ITGA1: variants seen among roughly 807,000 people sequenced by gnomAD.
ITGA1 encodes integrin subunit alpha 1, also known as integrin alpha-1.
A neutral mutation model predicts 145.9 loss-of-function variants in ITGA1; 85 were observed. That is an observed-to-expected ratio of 0.58 (90% CI 0.49 to 0.70). The LOEUF is 0.70. ITGA1 is among the 30% of genes least tolerant of loss of function. ITGA1 has a pLI of 0.00. For missense variants in ITGA1, 1,351 were observed against 1,418.7 expected (o/e 0.95, Z 0.77); for synonymous variants, 520 against 495.3 (o/e 1.05, Z -0.66).
chr5:52,910,186 C>A lies in ITGA1; in HGVS notation c.1624C>A (p.Leu542Met). The A allele has an allele frequency of 6.2e-7, 1 of 1,610,684 alleles. No individual in the cohort carries two copies. Among genetic ancestry groups the A allele is most frequent in the Non-Finnish European group, 8.5e-7 (1 of 1,177,148 alleles). Residue 542 changes from leucine (L) to methionine (M), a missense_variant, in exon 14 of 29, where the codon CTG (leucine) becomes ATG (methionine). By Grantham distance (15) the Leu-to-Met change is conservative. Coordinates refer to ENST00000282588, the MANE Select transcript of ITGA1 (RefSeq NM_181501.2). ...NQTRFEYQMS[L>M]EPIKQTCCSS... ...GACAAGGTTTGAATATCAAATGAGCCTGGAACCTATTAAGCAGACGTGCTG... is the reference window on the plus strand; with the variant it reads ...GACAAGGTTTGAATATCAAATGAGCATGGAACCTATTAAGCAGACGTGCTG...
chr5:52,928,284 G>A (rs1750843406), intron 20 of ITGA1, among the ~76,000 whole-genome samples: 1 of 152,044 alleles, frequency 6.6e-6, no homozygotes, highest in Admixed American at 6.6e-5. Context: ...AAATGGAGCT[G>A]GGAAATTCTG....
In ITGA1 at chr5:52,920,343, C is replaced by T. The variant is rs1302135076; in HGVS notation, c.2167C>T (p.Arg723Cys). 45 of 1,591,036 alleles carry T rather than the reference C, an allele frequency of 2.8e-5. No individual in the cohort carries two copies. The highest frequency in any genetic ancestry group is 3.6e-5 in the Non-Finnish European group (42 of 1,171,036). The change falls in exon 17 of 29, where the codon CGT becomes TGT. Residue 723 changes from arginine to cysteine, a missense_variant. Physicochemically the swap from Arg to Cys is radical, Grantham distance 180 (BLOSUM62 -3). Transcript: ENST00000282588. ...DTIYEADLQYRVTLDSLRQIS... is the reference protein window; with the variant it reads ...DTIYEADLQYCVTLDSLRQIS... ...TAAAATTTTTGTAGATTTGCAGTAC[C>T]GTGTCACCCTAGATTCACTAAGACA...
chr5:52,918,782 A>C lies in ITGA1; in HGVS notation c.2039A>C (p.Lys680Thr), dbSNP rs192984661. The change falls in exon 16 of 29, where the codon AAA becomes ACA. Residue 680 changes from lysine (K) to threonine (T), a missense_variant. Physicochemically the swap from Lys to Thr is moderately conservative, Grantham distance 78. Coordinates refer to ENST00000282588, the MANE Select transcript of ITGA1 (RefSeq NM_181501.2). Reference sequence around the variant, plus strand: ...GTGACCATGAATTTTGAGCCAAATAAAGTGAATATTCAAAAGAAAAACTGC... The same window carrying C: ...GTGACCATGAATTTTGAGCCAAATACAGTGAATATTCAAAAGAAAAACTGC... ...VKVTMNFEPN[K>T]VNIQKKNCHM... 1.7e-5 allele frequency: 27 copies of C among 1,612,640 alleles called. No homozygotes were observed. The East Asian group carries it at 6.0e-4, about 36-fold the overall frequency.
intron 1 of ITGA1, among the ~76,000 whole-genome samples, chr5:52,795,384 A>T (rs1748321448): frequency 6.6e-6 from 1 of 151,964 alleles, no homozygotes; most frequent in Non-Finnish European, 1.5e-5. Context: ...GATGAAAACA[A>T]GAAAATTTAT....
chr5:52,914,391 C>T (rs576515495), intron 14 of ITGA1, among the ~76,000 whole-genome samples: 164 of 152,240 alleles, frequency 1.1e-3, no homozygotes, highest in African/African-American at 3.8e-3. Flanking sequence ...GTAATCCCAG[C>T]ACTTTGGGAG....
At chr5:52,824,891 C>A (rs1384944059) in intron 1 of ITGA1, 2 of 152,010 alleles carry the variant, frequency 1.3e-5, no homozygotes, top group African/African-American at 4.8e-5. Context: ...TAAACAAAGC[C>A]TATTATTGTA....
intron 20 of ITGA1, among the ~76,000 whole-genome samples, chr5:52,929,201 A>G (rs912807306): frequency 6.6e-6 from 1 of 152,150 alleles, no homozygotes. Flanking sequence ...GGCCCATTTC[A>G]TGCTTCATAG....
chr5:52,916,084 A>G (rs1397921607), intron 15 of ITGA1, among the ~76,000 whole-genome samples: 1 of 152,160 alleles, frequency 6.6e-6, no homozygotes, highest in Non-Finnish European at 1.5e-5. Flanking sequence ...TAAATCCCCA[A>G]ATTGGCCCAG....
chr5:52,866,780 T>G (rs1332331665), intron 6 of ITGA1, among the ~76,000 whole-genome samples: 2 of 152,208 alleles, frequency 1.3e-5, no homozygotes, highest in African/African-American at 2.4e-5. Flanking sequence ...TTTAATTACA[T>G]TTAATTAAAT....
intron 2 of ITGA1, among the ~76,000 whole-genome samples, chr5:52,853,301 A>T (rs1749456635): frequency 6.6e-6 from 1 of 152,218 alleles, no homozygotes; most frequent in Non-Finnish European, 1.5e-5. Context: ...AATAACCTGT[A>T]GAAACATGTT....
rs139430499 is a variant in ITGA1 at position 52,851,290 on chromosome 5, C to A, written c.182+1805C>A. Among the ~76,000 whole-genome samples the A allele has an allele frequency of 5.2e-3, 797 of 152,180 alleles. 4 individuals are homozygous for A. Among genetic ancestry groups the A allele is most frequent in the Non-Finnish European group, 8.5e-3 (578 of 68,014 alleles). ...AGAAGTCCTTAATTATATGAATGAA[C>A]CTTAGTAGAGTGAAAAGGGGTTCAT... On this transcript the variant is annotated intron_variant, in intron 2 of 28. Coordinates refer to ENST00000282588, the MANE Select transcript of ITGA1 (RefSeq NM_181501.2).
intron 6 of ITGA1, among the ~76,000 whole-genome samples, chr5:52,878,191 T>G (rs1450611845): frequency 2.6e-5 from 4 of 152,084 alleles, no homozygotes; most frequent in Non-Finnish European, 5.9e-5. Flanking sequence ...GTCTTTGGGG[T>G]AAAGCAGTCT....
At chr5:52,912,284 ATAT>A (rs1253449450) in intron 14 of ITGA1, among the ~76,000 whole-genome samples, 2 of 144,918 alleles carry the variant, frequency 1.4e-5, no homozygotes, top group Non-Finnish European at 1.5e-5. Context: ...TATACTATAT[ATAT>A]TATCTATATA....
intron 2 of ITGA1, among the ~76,000 whole-genome samples, chr5:52,851,598 A>G (rs1310399554): frequency 6.6e-6 from 1 of 152,224 alleles, no homozygotes; most frequent in Non-Finnish European, 1.5e-5. Flanking sequence ...AAAAGAGTGC[A>G]TAGATTGGAT....
chr5:52,877,281 AG>A (rs1282813775), intron 6 of ITGA1, among the ~76,000 whole-genome samples: 12 of 152,126 alleles, frequency 7.9e-5, no homozygotes, highest in African/African-American at 2.9e-4. Context: ...GGAAATGAAG[AG>A]AGGGAGATCA....
At chr5:52,941,632 T>C (rs1331027569) in intron 26 of ITGA1, among the ~76,000 whole-genome samples, 2 of 152,212 alleles carry the variant, frequency 1.3e-5, no homozygotes, top group Admixed American at 1.3e-4. Flanking sequence ...TATTTGTTGA[T>C]TGATTGCTTG....
rs1042201793 is a variant in ITGA1 at position 52,958,979 on chromosome 5, A to G, written c.*6528A>G. The stretch of plus-strand genomic sequence containing the variant: ...ATGCTTCATTTAAACCCATTTTGTA[A>G]AGAAATCAGGTAACAGTCATTTAAT... On this transcript the variant is annotated 3_prime_UTR_variant, in exon 29 of 29. Transcript: ENST00000282588. 3 of 152,180 alleles carry G rather than the reference A, an allele frequency of 2.0e-5. No homozygotes were observed. The highest frequency in any genetic ancestry group is 4.4e-5 in the Non-Finnish European group (3 of 68,022). 9.4% of individuals were successfully genotyped at this position (152,180 alleles called of 1,614,324 possible). A position where few individuals can be genotyped will look rare whatever the true frequency, so the allele number is the denominator to read the frequency against.
chr5:52,847,900 G>A (rs1410723752), intron 1 of ITGA1, among the ~76,000 whole-genome samples: 1 of 152,140 alleles, frequency 6.6e-6, no homozygotes, highest in East Asian at 1.9e-4. Context: ...AACTTCACAA[G>A]CATACTTTAA....
At chr5:52,943,634 T>C (rs74658616) in intron 26 of ITGA1, among the ~76,000 whole-genome samples, 2,861 of 152,240 alleles carry the variant, frequency 0.019, 91 homozygotes, top group East Asian at 0.15. Flanking sequence ...CCACAGGCTC[T>C]CTCGGGCAGA....
Sources: allele counts gnomAD v4.1 joint callset (sites outside exome capture counted in the v4.1 genomes callset), GRCh38; gene constraint gnomAD v4.1.1; transcripts MANE v1.5; gene names NCBI Gene and HGNC (gene_info 2026-07-23, HGNC 2026-07-21).